The following SLC7A2 variants were observed in gnomAD, a reference collection of about 807,000 sequenced individuals.
SLC7A2 encodes the protein solute carrier family 7 member 2, also known as cationic amino acid transporter 2.
In SLC7A2, 48 loss-of-function variants were observed where a neutral mutation model predicts 58.9. The observed-to-expected ratio is 0.82, with a 90% CI of 0.65 to 1.04. The LOEUF is 1.04. SLC7A2 is among the 50% of genes least tolerant of loss of function. The pLI, the probability that SLC7A2 is intolerant of heterozygous loss-of-function variation, is 0.00. For synonymous variants in SLC7A2, 363 were observed against 314.5 expected (o/e 1.15, Z -1.63); for missense variants, 1,029 against 818.8 (o/e 1.26, Z -3.13).
chr8:17,553,356 G>T (rs1328709809), intron 7 of SLC7A2, among the ~76,000 whole-genome samples: 1 of 152,106 alleles, frequency 6.6e-6, no homozygotes, highest in Non-Finnish European at 1.5e-5. Context: ...CGGCCTTGAG[G>T]TTTATTTTGA....
At chr8:17,553,193 A>G (rs1174562412) in intron 7 of SLC7A2, among the ~76,000 whole-genome samples, 1 of 152,094 alleles carries the variant, frequency 6.6e-6, no homozygotes, top group Non-Finnish European at 1.5e-5. Context: ...GCTAGGATAC[A>G]GGCACGTAAC....
chr8:17,555,137 A>G, intron 8 of SLC7A2: 2 of 1,557,616 alleles, frequency 1.3e-6, no homozygotes, highest in Non-Finnish European at 1.8e-6. Flanking sequence ...TTTAATTCGC[A>G]TGCATGGACT....
chr8:17,563,776 C>A, intron 12 of SLC7A2, 65 bp downstream of exon 12: 1 of 888,600 alleles, frequency 1.1e-6, no homozygotes, highest in Admixed American at 2.2e-5. Context: ...AACATGCCCT[C>A]TCCCCCATCC....
chr8:17,518,178 A>G (rs1428114921), intron 2 of SLC7A2, among the ~76,000 whole-genome samples: 1 of 151,472 alleles, frequency 6.6e-6, no homozygotes, highest in Non-Finnish European at 1.5e-5. Flanking sequence ...TTTTCTCCCC[A>G]TATGATAGTC....
chr8:17,543,251 A>G (rs920934607), intron 2 of SLC7A2, 67 bp from the exon 3 acceptor site: 39 of 1,418,706 alleles, frequency 2.7e-5, no homozygotes, highest in Non-Finnish European at 3.6e-5. Context: ...TTGTGCCTGG[A>G]AGCTAGGTTA....
At chr8:17,563,786 C>G (rs1322768764) in intron 12 of SLC7A2, 75 bp downstream of exon 12, 1 of 862,716 alleles carries the variant, frequency 1.2e-6, no homozygotes, top group Non-Finnish European at 1.9e-6. Flanking sequence ...CTCCCCCATC[C>G]TGGGAATAAA....
intron 2 of SLC7A2, among the ~76,000 whole-genome samples, chr8:17,531,726 G>GT (rs1247664863): frequency 2.3e-4 from 35 of 150,520 alleles, no homozygotes; most frequent in Middle Eastern, 3.4e-3. Flanking sequence ...TATTTTAAGG[G>GT]TTTTTTTTTC....
intron 8 of SLC7A2, chr8:17,555,216 C>T: frequency 2.6e-6 from 2 of 776,976 alleles, no homozygotes; most frequent in Non-Finnish European, 2.0e-6. Flanking sequence ...AATTAGTATA[C>T]AAGCATTGGG....
intron 2 of SLC7A2, among the ~76,000 whole-genome samples, chr8:17,508,822 G>T (rs536674010): frequency 6.6e-6 from 1 of 152,198 alleles, no homozygotes; most frequent in Non-Finnish European, 1.5e-5. Context: ...ATGGTAGTAT[G>T]TTAATATATT....
intron 2 of SLC7A2, among the ~76,000 whole-genome samples, chr8:17,508,438 A>G (rs1457810533): frequency 6.6e-6 from 1 of 152,146 alleles, no homozygotes; most frequent in South Asian, 2.1e-4. Context: ...AAAATGATCA[A>G]TTGAGCCGGG....
At chr8:17,497,037 CCCCGCCCCCGCCCCGGGT>C (rs1182090046), upstream of SLC7A2, 4 of 150,530 alleles carry the variant, frequency 2.7e-5, no homozygotes, top group South Asian at 4.1e-4. Context: ...CGGCCCCGCG[CCCCGCCCCCGCCCCGGGT>C]GGCTACACAG....
At position 17,565,152 on chromosome 8, in the gene SLC7A2, G is replaced by A; in HGVS notation, c.*6G>A. 6.2e-7 allele frequency: 1 copy of A among 1,607,168 alleles called. No individual in the cohort carries two copies. Among genetic ancestry groups the A allele is most frequent in the African/African-American group, 1.3e-5 (1 of 74,820 alleles). ...AAAAGACAAGTGAATTCTAACACTTGCAGGAGCAGAGCTGGTCATCGTCTT... is the reference window on the plus strand; with the variant it reads ...AAAAGACAAGTGAATTCTAACACTTACAGGAGCAGAGCTGGTCATCGTCTT... On this transcript the variant is annotated 3_prime_UTR_variant, in exon 13 of 13. Transcript: ENST00000494857.
At chr8:17,540,070 C>T (rs189478016) in intron 2 of SLC7A2, among the ~76,000 whole-genome samples, 9 of 152,114 alleles carry the variant, frequency 5.9e-5, no homozygotes, top group South Asian at 4.2e-4. Context: ...CAGTGTGTCT[C>T]GACAAAAGCA....
upstream of SLC7A2, among the ~76,000 whole-genome samples, chr8:17,495,205 T>G (rs1799928077): frequency 2.0e-5 from 3 of 152,204 alleles, no homozygotes; most frequent in South Asian, 6.2e-4. Flanking sequence ...CCTCCTCGAG[T>G]GCCAGGGCAA....
Position 17,548,178 on chromosome 8 carries a change from G to A in SLC7A2, c.533-500G>A, listed in dbSNP as rs117486644. 5.2e-3 allele frequency among the ~76,000 whole-genome samples: 794 copies of A among 152,040 alleles called. 18 individuals carry two copies. In the East Asian group the frequency reaches 0.078, roughly 15 times the overall value. ...CAGCATGGCGAAACCCCAACCCTAC[G>A]AAAAATACAAAAATTAGCCAGACAT... On this transcript the variant is annotated intron_variant, in intron 4 of 12. Transcript: ENST00000494857.
intron 11 of SLC7A2, 147 bp downstream of exon 11, chr8:17,562,257 A>G (rs1803050633): frequency 1.3e-6 from 1 of 793,506 alleles, no homozygotes; most frequent in East Asian, 2.9e-5. Flanking sequence ...CTGGAGTGCA[A>G]TGGAGCGAAG....
chr8:17,524,462 G>C (rs1801146131), intron 2 of SLC7A2, among the ~76,000 whole-genome samples: 1 of 146,154 alleles, frequency 6.8e-6, no homozygotes, highest in African/African-American at 2.6e-5. Context: ...ACACACCATG[G>C]AATACTACTC....
chr8:17,502,350 A>G (rs1255260119), intron 2 of SLC7A2, 48 bp downstream of exon 2: 1 of 152,044 alleles, frequency 6.6e-6, no homozygotes, highest in Non-Finnish European at 1.5e-5. Flanking sequence ...TGGAAAAAGG[A>G]CTGATAAAAA....
chr8:17,561,437 G>A (rs748103632), intron 10 of SLC7A2, among the ~76,000 whole-genome samples: 29 of 152,078 alleles, frequency 1.9e-4, no homozygotes, highest in Non-Finnish European at 3.8e-4. Context: ...ACAGTGTGGG[G>A]GAAACCGCTT....
Sources: gnomAD v4.1 joint callset for allele counts (sites outside exome capture counted in the v4.1 genomes callset) on GRCh38, gnomAD v4.1.1 for gene constraint, MANE v1.5 for transcripts, NCBI Gene and HGNC (gene_info 2026-07-23, HGNC 2026-07-21) for gene names.